The following LCP1 variants were observed in gnomAD, a reference collection of about 807,000 sequenced individuals.
LCP1 encodes plastin-2.
LCP1 carries 23 observed loss-of-function variants against 72.0 expected under a neutral mutation model. That is an observed-to-expected ratio of 0.32 (90% CI 0.23 to 0.45). The LOEUF (loss-of-function observed/expected upper bound fraction) is 0.45. LCP1 is among the 20% of genes least tolerant of loss of function. The pLI is 1.00. For synonymous variants in LCP1, 245 were observed against 275.4 expected, an observed-to-expected ratio of 0.89 and a Z score of 1.09; for missense variants, 571 against 748.3, an observed-to-expected ratio of 0.76 and a Z score of 2.76.
At chr13:46,168,224 A>G (rs1167194410) in intron 1 of LCP1, among the ~76,000 whole-genome samples, 1 of 152,230 alleles carries the variant, frequency 6.6e-6, no homozygotes, top group Non-Finnish European at 1.5e-5. Flanking sequence ...TAAATTGAGA[A>G]GCGGAGTCCG....
intron 1 of LCP1, among the ~76,000 whole-genome samples, chr13:46,163,229 G>A: frequency 6.6e-6 from 1 of 152,270 alleles, no homozygotes; most frequent in Non-Finnish European, 1.5e-5. Flanking sequence ...AGAGAAATCA[G>A]ATTGTTGCTG....
chr13:46,138,151 C>T (rs1006462210), intron 13 of LCP1, among the ~76,000 whole-genome samples: 2 of 152,148 alleles, frequency 1.3e-5, no homozygotes, highest in African/African-American at 4.8e-5. Flanking sequence ...AACTGTCCAC[C>T]CTGAGAATGA....
chr13:46,135,197 G>A (rs531066743), intron 13 of LCP1, among the ~76,000 whole-genome samples: 1 of 152,134 alleles, frequency 6.6e-6, no homozygotes, highest in African/African-American at 2.4e-5. Context: ...ACTTCTGAAA[G>A]GGAAATGCAT....
At chr13:46,146,809 T>A in intron 10 of LCP1, 99 bp downstream of exon 10, 2 of 1,190,940 alleles carry the variant, frequency 1.7e-6, no homozygotes, top group Non-Finnish European at 2.5e-6. Context: ...TGTTTGCACA[T>A]GTAAATAGTT....
intron 1 of LCP1, among the ~76,000 whole-genome samples, chr13:46,164,218 A>G (rs1312463470): frequency 6.6e-6 from 1 of 152,240 alleles, no homozygotes; most frequent in African/African-American, 2.4e-5. Flanking sequence ...TATAAGTAGA[A>G]GCAGAGAACA....
intron 10 of LCP1, 23 bp from the exon 11 acceptor site, chr13:46,144,543 T>C (rs564060404): frequency 6.3e-7 from 1 of 1,575,598 alleles, no homozygotes; most frequent in Non-Finnish European, 8.7e-7. Flanking sequence ...AGATGGGTTA[T>C]CTTTTGGGAC....
chr13:46,136,634 C>T (rs2045666779), intron 13 of LCP1, among the ~76,000 whole-genome samples: 1 of 152,148 alleles, frequency 6.6e-6, no homozygotes, highest in African/African-American at 2.4e-5. Flanking sequence ...TACTTTTGAT[C>T]TCTTCATAAA....
rs1566438513 is a variant in LCP1 at position 46,148,573 on chromosome 13, C to CT, written c.883-127_883-126insA. 17 of 509,100 alleles carry CT rather than the reference C, an allele frequency of 3.3e-5. No individual in the cohort carries two copies. The African/African-American group carries it at 4.0e-4, about 12-fold the overall frequency. 31.5% of individuals were successfully genotyped at this position (509,100 alleles called of 1,614,324 possible). A position where few individuals can be genotyped will look rare whatever the true frequency, so the allele number is the denominator to read the frequency against. On this transcript the variant is annotated intron_variant, in intron 8 of 15. Transcript: ENST00000323076. ...GCTATCATTCCAGAATGTAACTTAA[C>CT]AAAGCTAGAAACATTCACTAATTTG...
chr13:46,169,025 A>G (rs1353942939), intron 1 of LCP1, among the ~76,000 whole-genome samples: 1 of 152,224 alleles, frequency 6.6e-6, no homozygotes, highest in Non-Finnish European at 1.5e-5. Context: ...GGGATCTTAG[A>G]GATGATCTAT....
At chr13:46,136,766 G>A (rs1301121708) in intron 13 of LCP1, among the ~76,000 whole-genome samples, 1 of 152,094 alleles carries the variant, frequency 6.6e-6, no homozygotes, top group East Asian at 1.9e-4. Flanking sequence ...AAAAAAGGTA[G>A]GTTAGTGCTT....
chr13:46,169,109 T>C (rs1383884011), intron 1 of LCP1, among the ~76,000 whole-genome samples: 3 of 152,230 alleles, frequency 2.0e-5, no homozygotes, highest in Non-Finnish European at 4.4e-5. Flanking sequence ...ACAGAGCTTA[T>C]TGGAGGTGTG....
chr13:46,154,688 C>A (rs983010661), intron 6 of LCP1, 117 bp downstream of exon 6: 5 of 771,812 alleles, frequency 6.5e-6, no homozygotes, highest in South Asian at 1.6e-5. Flanking sequence ...AAGTCACCAG[C>A]CCAAAGCCTG....
chr13:46,127,540 G>A lies in LCP1; in HGVS notation c.*51C>T. 6.2e-7 allele frequency: 1 copy of A among 1,608,162 alleles called. No individual in the cohort carries two copies. The highest frequency in any genetic ancestry group is 2.2e-5 in the East Asian group (1 of 44,814). ...CTTGAATCATCCCTGGAGCATCTGT[G>A]CCGGGCAGTCAGGAGTGAGTGCACC... On this transcript the variant is annotated 3_prime_UTR_variant, in exon 16 of 16. Coordinates refer to ENST00000323076, the MANE Select transcript of LCP1 (RefSeq NM_002298.5).
At chr13:46,148,560 G>T (rs2045744329) in intron 8 of LCP1, 113 bp from the exon 9 acceptor site, 1 of 670,998 alleles carries the variant, frequency 1.5e-6, no homozygotes, top group South Asian at 1.8e-5. Context: ...TATCATTCCA[G>T]AATGTAACTT....
At chr13:46,144,390 G>T in intron 11 of LCP1, 52 bp downstream of exon 11, 1 of 1,320,400 alleles carries the variant, frequency 7.6e-7, no homozygotes, top group Non-Finnish European at 1.1e-6. Context: ...GAATCCTATG[G>T]CTCTTTTGAG....
At chr13:46,136,068 G>A (rs1243430062) in intron 13 of LCP1, among the ~76,000 whole-genome samples, 2 of 130,212 alleles carry the variant, frequency 1.5e-5, no homozygotes, top group Admixed American at 8.7e-5. Flanking sequence ...CTTGCCCATC[G>A]TGTGCTACAC....
intron 13 of LCP1, among the ~76,000 whole-genome samples, chr13:46,135,830 G>A (rs1336673323): frequency 1.3e-5 from 2 of 150,122 alleles, no homozygotes; most frequent in African/African-American, 4.9e-5. Context: ...CACAGGTATG[G>A]TCATGGCTCA....
intron 1 of LCP1, among the ~76,000 whole-genome samples, chr13:46,179,425 C>A (rs2045946441): frequency 6.6e-6 from 1 of 152,190 alleles, no homozygotes; most frequent in African/African-American, 2.4e-5. Flanking sequence ...TTAGTATCTA[C>A]ATGTGCCAGG....
chr13:46,147,634 T>C (rs7997240), intron 9 of LCP1, among the ~76,000 whole-genome samples: 14,009 of 152,244 alleles, frequency 0.092, 1,341 homozygotes, highest in African/African-American at 0.24. Flanking sequence ...AGTTAACCTA[T>C]GTATTATTAT....
Sources: gnomAD v4.1 joint callset for allele counts (sites outside exome capture counted in the v4.1 genomes callset) on GRCh38, gnomAD v4.1.1 for gene constraint, MANE v1.5 for transcripts, NCBI Gene and HGNC (gene_info 2026-07-23, HGNC 2026-07-21) for gene names.